CNTN6: variants seen among roughly 807,000 people sequenced by gnomAD.
The protein encoded by CNTN6 is contactin 6.
A neutral mutation model predicts 122.8 loss-of-function variants in CNTN6; 137 were observed. That is an observed-to-expected ratio of 1.12 (90% confidence interval 0.97 to 1.29). The LOEUF (loss-of-function observed/expected upper bound fraction) is 1.29, where lower values mean the gene tolerates loss of function less well. Among genes scored for constraint, CNTN6 ranks in the 50% most tolerant of loss-of-function variants. The pLI, the probability that CNTN6 is intolerant of heterozygous loss-of-function variation, is 0.00. For missense variants in CNTN6, 1,634 were observed against 1,223.4 expected (o/e 1.34, Z -5.01); for synonymous variants, 570 against 426.0 (o/e 1.34, Z -4.16).
At chr3:1,280,482 T>G (rs1236425758) in intron 5 of CNTN6, among the ~76,000 whole-genome samples, 2 of 143,622 alleles carry the variant, frequency 1.4e-5, no homozygotes, top group Non-Finnish European at 3.0e-5. Context: ...TTTTTTTTTT[T>G]GTGATAGCAT....
intron 2 of CNTN6, among the ~76,000 whole-genome samples, chr3:1,176,763 AGAC>A (rs1223082363): frequency 1.3e-5 from 2 of 152,240 alleles, no homozygotes; most frequent in East Asian, 3.8e-4. Context: ...CAATAGATAC[AGAC>A]AACAATTCAT....
At chr3:1,336,027 G>T (rs973269585) in intron 11 of CNTN6, among the ~76,000 whole-genome samples, 2 of 150,152 alleles carry the variant, frequency 1.3e-5, no homozygotes, top group African/African-American at 4.9e-5. Flanking sequence ...TCCAGCCTGG[G>T]TAACAGAGGG....
At chr3:1,178,576 T>G (rs772809007) in intron 2 of CNTN6, among the ~76,000 whole-genome samples, 4 of 152,236 alleles carry the variant, frequency 2.6e-5, no homozygotes, top group African/African-American at 4.8e-5. Flanking sequence ...CTGGTTCTGT[T>G]GATTGCTTTG....
intron 5 of CNTN6, among the ~76,000 whole-genome samples, chr3:1,295,222 A>G (rs1696003417): frequency 6.6e-6 from 1 of 152,222 alleles, no homozygotes; most frequent in African/African-American, 2.4e-5. Flanking sequence ...CTGATAATGC[A>G]CTGAGAAACA....
At chr3:1,240,653 A>T (rs2094470538) in intron 4 of CNTN6, among the ~76,000 whole-genome samples, 1 of 151,904 alleles carries the variant, frequency 6.6e-6, no homozygotes, top group African/African-American at 2.4e-5. Flanking sequence ...CTACCGTTTG[A>T]TCCAGCAATC....
chr3:1,186,909 A>T (rs1271849324), intron 2 of CNTN6, among the ~76,000 whole-genome samples: 1 of 152,016 alleles, frequency 6.6e-6, no homozygotes, highest in African/African-American at 2.4e-5. Flanking sequence ...CCTCTGCCCA[A>T]ATACAGATAG....
intron 7 of CNTN6, among the ~76,000 whole-genome samples, chr3:1,304,883 C>T (rs1374859842): frequency 6.8e-6 from 1 of 147,406 alleles, no homozygotes; most frequent in African/African-American, 2.5e-5. Flanking sequence ...AATCCCAGCT[C>T]GGGAGGCTGA....
chr3:1,170,249 A>AC (rs1168471660), intron 2 of CNTN6, among the ~76,000 whole-genome samples: 1 of 116,936 alleles, frequency 8.6e-6, no homozygotes, highest in Admixed American at 8.6e-5. Context: ...AAAAAAAAAA[A>AC]AAAAAAAAAA....
chr3:1,212,194 A>G (rs2094049298), intron 2 of CNTN6, among the ~76,000 whole-genome samples: 1 of 150,374 alleles, frequency 6.7e-6, no homozygotes, highest in Admixed American at 6.6e-5. Context: ...ACTTAGAAAC[A>G]TTTATTTTTC....
chr3:1,130,260 A>G (rs1401796976), intron 1 of CNTN6, among the ~76,000 whole-genome samples: 3 of 152,024 alleles, frequency 2.0e-5, no homozygotes, highest in Admixed American at 1.3e-4. Flanking sequence ...GATGCTGTCT[A>G]TGCCCTTAGT....
At chr3:1,381,421 G>A (rs1210604190) in intron 17 of CNTN6, among the ~76,000 whole-genome samples, 1 of 152,102 alleles carries the variant, frequency 6.6e-6, no homozygotes, top group East Asian at 1.9e-4. Context: ...ATAGAGACCA[G>A]CTCAGGTCAT....
intron 12 of CNTN6, among the ~76,000 whole-genome samples, chr3:1,366,060 G>T (rs552195312): frequency 1.2e-3 from 177 of 152,182 alleles, no homozygotes; most frequent in African/African-American, 4.1e-3. Context: ...ATGAAAGGAC[G>T]TATTCAAGGT....
chr3:1,331,900 T>C (rs1702345735), intron 11 of CNTN6, among the ~76,000 whole-genome samples: 1 of 151,654 alleles, frequency 6.6e-6, no homozygotes, highest in South Asian at 2.1e-4. Flanking sequence ...TTAAAACAGC[T>C]CTTCAGGTTT....
At chr3:1,219,633 C>G (rs1241526427) in intron 2 of CNTN6, among the ~76,000 whole-genome samples, 2 of 152,140 alleles carry the variant, frequency 1.3e-5, no homozygotes, top group African/African-American at 4.8e-5. Context: ...AACTTTACCA[C>G]ATAACTGCCT....
chr3:1,154,874 T>C (rs1005079051), intron 2 of CNTN6, among the ~76,000 whole-genome samples: 2 of 152,250 alleles, frequency 1.3e-5, no homozygotes, highest in Non-Finnish European at 2.9e-5. Flanking sequence ...TACTTTTACT[T>C]AACTTCCCTT....
At chr3:1,292,788 A>G (rs115061761) in intron 5 of CNTN6, among the ~76,000 whole-genome samples, 19 of 152,228 alleles carry the variant, frequency 1.2e-4, no homozygotes, top group African/African-American at 4.6e-4. Context: ...TTATAATACG[A>G]CAGAAACACA....
chr3:1,403,493 C>G lies in CNTN6; in HGVS notation c.*75C>G, dbSNP rs973305967. ...TATATATGCTCTCCAGCCTCTGACA[C>G]AAGATGCGTTCTTAATACAGACTTG... On this transcript the variant is annotated 3_prime_UTR_variant, in exon 23 of 23. Transcript: ENST00000446702. 4.7e-6 allele frequency: 4 copies of G among 842,522 alleles called. No individual in the cohort carries two copies. The highest frequency in any genetic ancestry group is 3.4e-5 in the African/African-American group (2 of 58,446). The allele number at this position is 842,522 out of a possible 1,614,324, so 52.2% of individuals were successfully genotyped here. A position where few individuals can be genotyped will look rare whatever the true frequency, so the allele number is the denominator to read the frequency against.
At chr3:1,315,065 G>A (rs1017943613) in intron 7 of CNTN6, among the ~76,000 whole-genome samples, 2 of 151,910 alleles carry the variant, frequency 1.3e-5, no homozygotes, top group African/African-American at 2.4e-5. Flanking sequence ...TGCCAGAAAC[G>A]ACTGATATCT....
chr3:1,309,281 T>C (rs1048957919), intron 7 of CNTN6, among the ~76,000 whole-genome samples: 5 of 152,208 alleles, frequency 3.3e-5, no homozygotes, highest in Admixed American at 2.6e-4. Context: ...TGCATTTTCA[T>C]TGATGGTCCA....
Sources: gnomAD v4.1 joint callset for allele counts (sites outside exome capture counted in the v4.1 genomes callset) on GRCh38, gnomAD v4.1.1 for gene constraint, MANE v1.5 for transcripts, NCBI Gene and HGNC (gene_info 2026-07-23, HGNC 2026-07-21) for gene names.